Variants in HEMK2 observed in about 807,000 individuals in gnomAD.
HEMK2 encodes methyltransferase HEMK2.
the HEMK2 span, among the ~76,000 whole-genome samples, chr21:28,717,264 G>A: frequency 6.6e-6 from 1 of 151,862 alleles, no homozygotes; most frequent in Non-Finnish European, 1.5e-5. Context: ...AAGGTTGGGT[G>A]TTTTTTTACT....
chr21:28,597,192 T>C, the HEMK2 span, among the ~76,000 whole-genome samples: 1 of 152,074 alleles, frequency 6.6e-6, no homozygotes, highest in Non-Finnish European at 1.5e-5. Context: ...CACAGAAAAT[T>C]TAATATTTGA....
chr21:28,817,037 C>G, the HEMK2 span, among the ~76,000 whole-genome samples: 1 of 152,124 alleles, frequency 6.6e-6, no homozygotes. Context: ...ACTTCAAAAT[C>G]CAGTGAAAAA....
the HEMK2 span, among the ~76,000 whole-genome samples, chr21:28,841,499 G>A: frequency 8.0e-6 from 1 of 125,194 alleles, no homozygotes; most frequent in Non-Finnish European, 1.6e-5. Context: ...AAAAATGAAT[G>A]AATTAACAGC....
the HEMK2 span, chr21:28,880,017 A>G: frequency 1.7e-6 from 2 of 1,147,610 alleles, no homozygotes; most frequent in East Asian, 2.5e-5. Flanking sequence ...CTGACAAATT[A>G]ATCTTTAAAA....
chr21:28,599,893 G>A, the HEMK2 span, among the ~76,000 whole-genome samples: 14 of 152,220 alleles, frequency 9.2e-5, no homozygotes, highest in Admixed American at 4.6e-4. Context: ...GCAGTCAAAT[G>A]TTAAAGCTCC....
chr21:28,658,233 G>T, the HEMK2 span, among the ~76,000 whole-genome samples: 48 of 152,126 alleles, frequency 3.2e-4, no homozygotes, highest in African/African-American at 1.1e-3. Flanking sequence ...AAACAATTTT[G>T]TAACTAGGAT....
the HEMK2 span, among the ~76,000 whole-genome samples, chr21:28,877,005 G>GAGGA: frequency 1.9e-3 from 66 of 34,546 alleles, no homozygotes; most frequent in East Asian, 2.8e-3. Flanking sequence ...GGGAGGGAGG[G>GAGGA]AGGAAGGAAG....
At chr21:28,628,680 C>A in the HEMK2 span, among the ~76,000 whole-genome samples, 1 of 152,182 alleles carries the variant, frequency 6.6e-6, no homozygotes, top group Admixed American at 6.5e-5. Context: ...TCTCAAACTC[C>A]CAACCTCAGG....
chr21:28,752,592 C>T, the HEMK2 span, among the ~76,000 whole-genome samples: 1 of 152,154 alleles, frequency 6.6e-6, no homozygotes, highest in Non-Finnish European at 1.5e-5. Context: ...CAGACCCTTC[C>T]AGCTGTGGAT....
At chr21:28,647,321 TAAAAAAAAAA>T in the HEMK2 span, among the ~76,000 whole-genome samples, 13 of 46,422 alleles carry the variant, frequency 2.8e-4, no homozygotes, top group African/African-American at 1.1e-3. Flanking sequence ...CCATCTCTAC[TAAAAAAAAAA>T]AAAAAAAAAA....
chr21:28,609,670 G>A, the HEMK2 span, among the ~76,000 whole-genome samples: 2 of 148,826 alleles, frequency 1.3e-5, no homozygotes, highest in Non-Finnish European at 3.0e-5. Context: ...AAAAGATATA[G>A]GATATGAATG....
chr21:28,745,587 C>T, the HEMK2 span, among the ~76,000 whole-genome samples: 1 of 152,096 alleles, frequency 6.6e-6, no homozygotes, highest in African/African-American at 2.4e-5. Flanking sequence ...CTTTACCTGC[C>T]CTCTATCTCA....
At chr21:28,734,555 A>G in the HEMK2 span, among the ~76,000 whole-genome samples, 3 of 152,230 alleles carry the variant, frequency 2.0e-5, no homozygotes, top group African/African-American at 4.8e-5. Flanking sequence ...ACAATTATAA[A>G]TGAATTGTTT....
chr21:28,867,364 A>C, the HEMK2 span, among the ~76,000 whole-genome samples: 1 of 152,224 alleles, frequency 6.6e-6, no homozygotes, highest in Non-Finnish European at 1.5e-5. Context: ...TGAGACATTT[A>C]TAAAAATCTT....
the HEMK2 span, among the ~76,000 whole-genome samples, chr21:28,597,519 A>G: frequency 1.4e-4 from 22 of 152,236 alleles, no homozygotes; most frequent in African/African-American, 4.8e-4. Context: ...GGAAGACTTG[A>G]GAAACAGCAG....
At chr21:28,757,559 T>C in the HEMK2 span, among the ~76,000 whole-genome samples, 1 of 152,180 alleles carries the variant, frequency 6.6e-6, no homozygotes, top group South Asian at 2.1e-4. Flanking sequence ...TAGTTTTAAA[T>C]TGTTTAATTT....
chr21:28,785,221 C>T, the HEMK2 span, among the ~76,000 whole-genome samples: 91 of 152,314 alleles, frequency 6.0e-4, no homozygotes, highest in African/African-American at 1.9e-3. Flanking sequence ...CAAGGGTCCG[C>T]GGCTTCATTC....
At chr21:28,758,023 T>C in the HEMK2 span, among the ~76,000 whole-genome samples, 1 of 152,234 alleles carries the variant, frequency 6.6e-6, no homozygotes, top group African/African-American at 2.4e-5. Flanking sequence ...ATATGCATTC[T>C]CAGTAATTCT....
chr21:28,751,234 GAA>G, the HEMK2 span, among the ~76,000 whole-genome samples: 1,551 of 125,330 alleles, frequency 0.012, 42 homozygotes, highest in African/African-American at 0.044. Flanking sequence ...CTGTCTCAAT[GAA>G]AAAAAAAAAA....
Sources: gnomAD v4.1 joint callset for allele counts (sites outside exome capture counted in the v4.1 genomes callset) on GRCh38, gnomAD v4.1.1 for gene constraint, MANE v1.5 for transcripts, NCBI Gene and HGNC (gene_info 2026-07-23, HGNC 2026-07-21) for gene names.